The following ZFAND3 variants were observed in gnomAD, a reference collection of about 807,000 sequenced individuals.
ZFAND3 encodes the protein AN1-type zinc finger protein 3.
Under a neutral mutation model 29.6 loss-of-function variants are expected in ZFAND3, and 10 were observed. The observed-to-expected ratio is 0.34, with a 90% confidence interval of 0.21 to 0.57. The LOEUF (loss-of-function observed/expected upper bound fraction) is 0.57, where lower values mean the gene tolerates loss of function less well. Among genes scored for constraint, ZFAND3 ranks in the 20% least tolerant of loss-of-function variants. The pLI is 0.86. For missense variants in ZFAND3, 230 were observed against 304.5 expected (o/e 0.76, Z 1.82); for synonymous variants, 128 against 112.6 (o/e 1.14, Z -0.87).
At chr6:38,083,979 A>G (rs1764713020) in intron 4 of ZFAND3, among the ~76,000 whole-genome samples, 1 of 152,130 alleles carries the variant, frequency 6.6e-6, no homozygotes, top group South Asian at 2.1e-4. Flanking sequence ...CAGTTCTTCA[A>G]GATAGTTATT....
chr6:38,117,081 A>C (rs1469842516), intron 5 of ZFAND3, among the ~76,000 whole-genome samples: 3 of 152,246 alleles, frequency 2.0e-5, no homozygotes, highest in South Asian at 4.2e-4. Context: ...CAAACAAGCA[A>C]AATTCTGGAG....
At chr6:38,046,304 A>T (rs1052733621) in intron 2 of ZFAND3, among the ~76,000 whole-genome samples, 12 of 152,252 alleles carry the variant, frequency 7.9e-5, no homozygotes, top group Non-Finnish European at 1.3e-4. Flanking sequence ...TAATTTGTTT[A>T]GTGCTATCTG....
chr6:37,943,303 T>C (rs1474413143), intron 2 of ZFAND3, among the ~76,000 whole-genome samples: 1 of 152,144 alleles, frequency 6.6e-6, no homozygotes, highest in East Asian at 1.9e-4. Context: ...GTACTTTAAA[T>C]TGTTCAGTTT....
intron 1 of ZFAND3, among the ~76,000 whole-genome samples, chr6:37,834,277 CTTCTT>C (rs1348761669): frequency 3.9e-5 from 6 of 152,126 alleles, no homozygotes; most frequent in Non-Finnish European, 7.4e-5. Flanking sequence ...TTCAGATTGA[CTTCTT>C]TTATATAGTA....
At chr6:37,964,833 T>A (rs1762262244) in intron 2 of ZFAND3, among the ~76,000 whole-genome samples, 1 of 152,186 alleles carries the variant, frequency 6.6e-6, no homozygotes, top group Non-Finnish European at 1.5e-5. Context: ...ACTGTGGAAC[T>A]TAAGCAAGTT....
At chr6:37,853,279 C>T (rs1045003821) in intron 1 of ZFAND3, among the ~76,000 whole-genome samples, 9 of 151,854 alleles carry the variant, frequency 5.9e-5, no homozygotes, top group Admixed American at 3.3e-4. Flanking sequence ...GAAGATCAGG[C>T]TTGGATGGGG....
intron 1 of ZFAND3, among the ~76,000 whole-genome samples, chr6:37,840,122 A>C (rs926351653): frequency 2.0e-5 from 3 of 149,656 alleles, no homozygotes; most frequent in African/African-American, 7.4e-5. Context: ...TTTGAGATGG[A>C]GTTTCGCTCT....
chr6:38,152,982 AT>A lies in ZFAND3; in HGVS notation c.*600del. ...GGGTGGGGGACAGATTCTTACGGAA[AT>A]TTTTTTACCTGACTTGCTATGAAAA... On this transcript the variant is annotated 3_prime_UTR_variant, in exon 6 of 6. Coordinates refer to ENST00000287218, the MANE Select transcript of ZFAND3 (RefSeq NM_021943.3). The A allele has an allele frequency of 1.0e-6, 1 of 985,798 alleles. No individual in the cohort carries two copies. Among genetic ancestry groups the A allele is most frequent in the Non-Finnish European group, 1.2e-6 (1 of 829,932 alleles). The allele number at this position is 985,798 out of a possible 1,614,324, so 61.1% of individuals were successfully genotyped here. A position where few individuals can be genotyped will look rare whatever the true frequency, so the allele number is the denominator to read the frequency against.
At chr6:37,922,223 A>C (rs1388917797) in intron 1 of ZFAND3, among the ~76,000 whole-genome samples, 3 of 152,226 alleles carry the variant, frequency 2.0e-5, no homozygotes, top group Non-Finnish European at 4.4e-5. Context: ...TCAGTCTTAA[A>C]GCCATTCAAA....
At chr6:37,982,600 A>C (rs912045976) in intron 2 of ZFAND3, among the ~76,000 whole-genome samples, 4 of 152,194 alleles carry the variant, frequency 2.6e-5, no homozygotes, top group African/African-American at 9.7e-5. Context: ...TGCTTGTGTA[A>C]GTATATCTAC....
intron 2 of ZFAND3, among the ~76,000 whole-genome samples, chr6:37,957,918 C>T (rs1000133401): frequency 6.6e-6 from 1 of 152,116 alleles, no homozygotes; most frequent in African/African-American, 2.4e-5. Flanking sequence ...GGGTGTTATG[C>T]TCTATGATTT....
intron 2 of ZFAND3, among the ~76,000 whole-genome samples, chr6:37,931,069 G>A (rs1761585196): frequency 6.6e-6 from 1 of 152,206 alleles, no homozygotes; most frequent in South Asian, 2.1e-4. Flanking sequence ...TAGGCCAGCT[G>A]TGCCTGTTAG....
intron 4 of ZFAND3, among the ~76,000 whole-genome samples, chr6:38,101,144 A>T (rs1359843048): frequency 6.6e-6 from 1 of 152,356 alleles, no homozygotes; most frequent in Admixed American, 6.5e-5. Context: ...TGCTCCTCTC[A>T]TGTTTCAAAT....
chr6:38,003,651 A>G, intron 2 of ZFAND3: 1 of 334,682 alleles, frequency 3.0e-6, no homozygotes, highest in South Asian at 2.2e-5. Flanking sequence ...GTCATGCACC[A>G]CCACGACCAG....
intron 2 of ZFAND3, among the ~76,000 whole-genome samples, chr6:38,010,190 G>A (rs1763121343): frequency 6.6e-6 from 1 of 152,142 alleles, no homozygotes; most frequent in Non-Finnish European, 1.5e-5. Context: ...CCCATTGCAG[G>A]GCGCACTCAC....
chr6:38,077,567 T>G (rs574525541), intron 3 of ZFAND3, among the ~76,000 whole-genome samples: 5 of 152,338 alleles, frequency 3.3e-5, no homozygotes, highest in Admixed American at 3.3e-4. Flanking sequence ...TCTGGCAATG[T>G]TTAGCTGACC....
chr6:38,098,365 G>A (rs1765024492), intron 4 of ZFAND3, among the ~76,000 whole-genome samples: 1 of 152,150 alleles, frequency 6.6e-6, no homozygotes, highest in Admixed American at 6.5e-5. Context: ...GGCCAGGCTG[G>A]TCTCCAACTC....
chr6:37,864,767 ACAC>A (rs1454028741), intron 1 of ZFAND3, among the ~76,000 whole-genome samples: 2 of 147,886 alleles, frequency 1.4e-5, no homozygotes, highest in Non-Finnish European at 3.0e-5. Flanking sequence ...ACACACACAC[ACAC>A]ATGCACACAT....
chr6:38,067,748 G>A (rs1432567220), intron 3 of ZFAND3, among the ~76,000 whole-genome samples: 1 of 152,164 alleles, frequency 6.6e-6, no homozygotes, highest in African/African-American at 2.4e-5. Flanking sequence ...TCAAGTACAG[G>A]CAGATGATTG....
Sources: gnomAD v4.1 joint callset for allele counts (sites outside exome capture counted in the v4.1 genomes callset) on GRCh38, gnomAD v4.1.1 for gene constraint, MANE v1.5 for transcripts, NCBI Gene and HGNC (gene_info 2026-07-23, HGNC 2026-07-21) for gene names.